CTNNA2: variants seen among roughly 807,000 people sequenced by gnomAD.
The protein encoded by CTNNA2 is catenin alpha 2.
Under a neutral mutation model 101.0 loss-of-function variants are expected in CTNNA2, and 42 were observed. The observed-to-expected ratio is 0.42, with a 90% confidence interval of 0.32 to 0.54. The LOEUF (loss-of-function observed/expected upper bound fraction) is 0.54. CTNNA2 is among the 20% of genes least tolerant of loss of function. CTNNA2 has a pLI of 0.14. For synonymous variants in CTNNA2, 450 were observed against 456.4 expected, an observed-to-expected ratio of 0.99 and a Z score of 0.18; for missense variants, 871 against 1,223.1, an observed-to-expected ratio of 0.71 and a Z score of 4.29.
At chr2:80,349,884 TTTGA>T (rs1673125053) in intron 7 of CTNNA2, among the ~76,000 whole-genome samples, 1 of 152,134 alleles carries the variant, frequency 6.6e-6, no homozygotes, top group Non-Finnish European at 1.5e-5. Flanking sequence ...CCTTATCTTT[TTTGA>T]TTAAGAAGTT....
rs142069202 is a variant in CTNNA2, at chr2:79,823,630, G to A, written c.299-34383G>A. On this transcript the variant is annotated intron_variant, in intron 3 of 18. Coordinates refer to ENST00000402739, the MANE Select transcript of CTNNA2 (RefSeq NM_001282597.3). Reference sequence around the variant, plus strand: ...AATAGAGATAGAAACTTAAAAATTCGTAGATTCTGTGGTCAAACTCTATTC... The same window carrying A: ...AATAGAGATAGAAACTTAAAAATTCATAGATTCTGTGGTCAAACTCTATTC... 2.3e-4 allele frequency among the ~76,000 whole-genome samples: 35 copies of A among 152,186 alleles called. 1 individual carries two copies. In the East Asian group the frequency reaches 5.6e-3, roughly 24 times the overall value.
chr2:79,402,037 T>G (rs1227735927), intron 4 of CTNNA2, among the ~76,000 whole-genome samples: 1 of 151,662 alleles, frequency 6.6e-6, no homozygotes, highest in Admixed American at 6.6e-5. Flanking sequence ...CAAAATATAC[T>G]TTAAGACAAA....
intron 2 of CTNNA2, among the ~76,000 whole-genome samples, chr2:79,211,910 T>A (rs374510480): frequency 1.3e-5 from 2 of 151,682 alleles, no homozygotes; most frequent in African/African-American, 4.8e-5. Flanking sequence ...GAACCTAGAG[T>A]GGGAGAGATT....
chr2:79,309,881 G>C (rs1442606134), intron 2 of CTNNA2, among the ~76,000 whole-genome samples: 1 of 152,054 alleles, frequency 6.6e-6, no homozygotes, highest in Non-Finnish European at 1.5e-5. Flanking sequence ...CTTTGCTTCA[G>C]TTCTCTTCTG....
chr2:79,653,706 C>A (rs1224148843), intron 2 of CTNNA2, among the ~76,000 whole-genome samples: 1 of 152,110 alleles, frequency 6.6e-6, no homozygotes, highest in South Asian at 2.1e-4. Context: ...ATCATCAAGT[C>A]CTGGTTTCTT....
intron 3 of CTNNA2, among the ~76,000 whole-genome samples, chr2:79,345,174 A>C (rs964060179): frequency 6.6e-6 from 1 of 151,858 alleles, no homozygotes; most frequent in Non-Finnish European, 1.5e-5. Flanking sequence ...ATCTTTCCAG[A>C]AGAGAAATAA....
At chr2:79,388,348 A>G (rs956399498) in intron 4 of CTNNA2, among the ~76,000 whole-genome samples, 3 of 152,164 alleles carry the variant, frequency 2.0e-5, no homozygotes, top group Non-Finnish European at 4.4e-5. Flanking sequence ...GAATGTATAC[A>G]TGACTTTTTT....
At chr2:80,506,384 T>G (rs1215264813) in intron 9 of CTNNA2, among the ~76,000 whole-genome samples, 1 of 151,932 alleles carries the variant, frequency 6.6e-6, no homozygotes, top group Non-Finnish European at 1.5e-5. Context: ...AAAAATAATG[T>G]TAGTGGGGGA....
chr2:79,718,300 G>A (rs1686242351), intron 2 of CTNNA2, among the ~76,000 whole-genome samples: 1 of 152,040 alleles, frequency 6.6e-6, no homozygotes, highest in Non-Finnish European at 1.5e-5. Context: ...ACAGAGATTG[G>A]AATGATCATA....
At chr2:80,245,684 T>A (rs1573499237) in intron 7 of CTNNA2, among the ~76,000 whole-genome samples, 2 of 152,154 alleles carry the variant, frequency 1.3e-5, no homozygotes, top group African/African-American at 2.4e-5. Flanking sequence ...TGACTCCCTA[T>A]GACAACTGTT....
chr2:79,327,841 A>C (rs1676781528), intron 3 of CTNNA2, among the ~76,000 whole-genome samples: 1 of 152,188 alleles, frequency 6.6e-6, no homozygotes, highest in African/African-American at 2.4e-5. Flanking sequence ...TGCCATTAAC[A>C]TTCACACAAT....
chr2:79,603,467 A>G (rs1677681354), intron 1 of CTNNA2, among the ~76,000 whole-genome samples: 1 of 152,196 alleles, frequency 6.6e-6, no homozygotes, highest in Non-Finnish European at 1.5e-5. Flanking sequence ...AGTATCATGT[A>G]TTAGAGAAGA....
chr2:79,995,678 G>A (rs1692489715), intron 7 of CTNNA2, among the ~76,000 whole-genome samples: 1 of 152,088 alleles, frequency 6.6e-6, no homozygotes, highest in South Asian at 2.1e-4. Context: ...GCCAGACATG[G>A]TGGTGCATCC....
At chr2:80,527,522 T>C (rs1055427699) in intron 9 of CTNNA2, among the ~76,000 whole-genome samples, 2 of 152,192 alleles carry the variant, frequency 1.3e-5, no homozygotes, top group African/African-American at 4.8e-5. Context: ...TGAAATCTGC[T>C]TTATCTTAAG....
At chr2:79,832,027 A>G (rs774584088) in intron 3 of CTNNA2, among the ~76,000 whole-genome samples, 2 of 152,086 alleles carry the variant, frequency 1.3e-5, no homozygotes, top group Non-Finnish European at 2.9e-5. Context: ...TCTCTCAAGT[A>G]TTTGGCTCTA....
intron 3 of CTNNA2, among the ~76,000 whole-genome samples, chr2:79,829,752 C>T (rs1329311728): frequency 7.1e-6 from 1 of 140,798 alleles, no homozygotes; most frequent in Non-Finnish European, 1.6e-5. Flanking sequence ...CGGAGTCTCG[C>T]TCTGTCGCCC....
intron 1 of CTNNA2, among the ~76,000 whole-genome samples, chr2:79,543,145 C>G (rs572741279): frequency 6.8e-4 from 104 of 152,106 alleles, no homozygotes; most frequent in African/African-American, 2.4e-3. Context: ...CTTTCAAGTA[C>G]GACATTAGAT....
At chr2:79,709,481 G>C (rs763634433) in intron 2 of CTNNA2, among the ~76,000 whole-genome samples, 1 of 152,052 alleles carries the variant, frequency 6.6e-6, no homozygotes, top group African/African-American at 2.4e-5. Context: ...GAGGCATGTC[G>C]GACAGGGTTA....
chr2:79,472,427 A>G (rs1671009548), intron 4 of CTNNA2, among the ~76,000 whole-genome samples: 1 of 152,220 alleles, frequency 6.6e-6, no homozygotes, highest in South Asian at 2.1e-4. Context: ...CCCACCTTTC[A>G]AAACCAAGGA....
Sources: allele counts gnomAD v4.1 joint callset (sites outside exome capture counted in the v4.1 genomes callset), GRCh38; gene constraint gnomAD v4.1.1; transcripts MANE v1.5; gene names NCBI Gene and HGNC (gene_info 2026-07-23, HGNC 2026-07-21).